Variants in AQP9 observed in about 807,000 individuals in gnomAD.
AQP9 encodes aquaporin 9.
AQP9 carries 19 observed loss-of-function variants against 23.8 expected under a neutral mutation model. The ratio of observed to expected loss-of-function variants is 0.80; its 90% confidence interval spans 0.56 to 1.17. The LOEUF (loss-of-function observed/expected upper bound fraction) is 1.17. Ranked by LOEUF, AQP9 falls within the 50% of genes most tolerant of loss-of-function variation. The probability of loss-of-function intolerance (pLI) is 0.00; values close to 1 mark genes in which losing one functional copy is unlikely to be tolerated. For missense variants in AQP9, 413 were observed against 362.0 expected (o/e 1.14, Z -1.14); for synonymous variants, 153 against 131.5 (o/e 1.16, Z -1.12).
At chr15:58,139,368 A>T (rs913310994) in intron 1 of AQP9, among the ~76,000 whole-genome samples, 1 of 152,136 alleles carries the variant, frequency 6.6e-6, no homozygotes, top group Non-Finnish European at 1.5e-5. Flanking sequence ...TTGCCCAGAG[A>T]TTTACTCAGC....
chr15:58,175,273 T>C (rs1302876266), intron 4 of AQP9, among the ~76,000 whole-genome samples: 2 of 152,190 alleles, frequency 1.3e-5, no homozygotes, highest in Admixed American at 6.5e-5. Flanking sequence ...TTAGTTGAGA[T>C]CCAGAAAAGA....
At chr15:58,155,739 A>AC (rs1387756433) in intron 1 of AQP9, 1 of 151,976 alleles carries the variant, frequency 6.6e-6, no homozygotes, top group Admixed American at 6.6e-5. Context: ...ACTTTAGCCA[A>AC]CCCCCTCAAT....
At chr15:58,157,590 A>T (rs1308589698) in intron 1 of AQP9, among the ~76,000 whole-genome samples, 1 of 152,030 alleles carries the variant, frequency 6.6e-6, no homozygotes, top group Admixed American at 6.6e-5. Context: ...GCCCATACTC[A>T]CTTCCAGTGT....
At chr15:58,147,107 G>A (rs1394827848) in intron 1 of AQP9, among the ~76,000 whole-genome samples, 1 of 152,160 alleles carries the variant, frequency 6.6e-6, no homozygotes, top group Admixed American at 6.5e-5. Flanking sequence ...GCAGACTCCT[G>A]GAGCCAAACT....
Position 58,184,263 on chromosome 15 carries a change from T to C in AQP9, c.*128T>C. 4 of 947,220 alleles carry C rather than the reference T, an allele frequency of 4.2e-6. No individual in the cohort carries two copies. The allele number at this position is 947,220 out of a possible 1,614,324, so 58.7% of individuals were successfully genotyped here. A position where few individuals can be genotyped will look rare whatever the true frequency, so the allele number is the denominator to read the frequency against. ...TTTTGTCTGCTAGCCATATGGGACA[T>C]CTAATTGGAAAAGCATCTGCATAAA... On this transcript the variant is annotated 3_prime_UTR_variant, in exon 6 of 6. Transcript: ENST00000219919.
chr15:58,157,117 TATAA>T (rs1403372457), intron 1 of AQP9, among the ~76,000 whole-genome samples: 1 of 152,236 alleles, frequency 6.6e-6, no homozygotes, highest in Non-Finnish European at 1.5e-5. Context: ...CTTCTGTTTT[TATAA>T]ATATTTGCAT....
intron 3 of AQP9, 48 bp from the exon 4 acceptor site, chr15:58,174,870 C>T: frequency 6.5e-7 from 1 of 1,541,454 alleles, no homozygotes; most frequent in Non-Finnish European, 9.0e-7. Flanking sequence ...AGGCCTCCTT[C>T]AACTCTTCCC....
intron 1 of AQP9, chr15:58,153,554 A>T (rs1898191414): frequency 6.6e-6 from 1 of 152,204 alleles, no homozygotes; most frequent in Non-Finnish European, 1.5e-5. Flanking sequence ...AATTGGTATT[A>T]ATCACACCTA....
intron 5 of AQP9, 58 bp from the exon 6 acceptor site, chr15:58,183,903 A>G: frequency 6.4e-7 from 1 of 1,568,934 alleles, no homozygotes. Flanking sequence ...GAAAAACTAG[A>G]CAGTAATACC....
At chr15:58,181,966 C>A (rs567752411) in intron 5 of AQP9, among the ~76,000 whole-genome samples, 7 of 151,988 alleles carry the variant, frequency 4.6e-5, no homozygotes, top group African/African-American at 1.4e-4. Context: ...CAGTAGATAT[C>A]CTAGCTTGGA....
At position 58,175,153 on chromosome 15, in the gene AQP9, G is replaced by T. The variant is rs182753453; in HGVS notation, c.495+117G>T. On this transcript the variant is annotated intron_variant, in intron 4 of 5. Coordinates refer to ENST00000219919, the MANE Select transcript of AQP9 (RefSeq NM_020980.5). Reference sequence around the variant, plus strand: ...GAGAGATTATATTTCCAAAGGCAGAGGTTGCTGGGCATAACCCAAGCTTTC... The same window carrying T: ...GAGAGATTATATTTCCAAAGGCAGATGTTGCTGGGCATAACCCAAGCTTTC... The T allele has an allele frequency of 4.4e-4, 450 of 1,017,436 alleles. 1 individual carries two copies. The African/African-American group carries it at 5.2e-3, about 12-fold the overall frequency. 63.0% of individuals were successfully genotyped at this position (1,017,436 alleles called of 1,614,324 possible).
chr15:58,148,826 T>C (rs755960181), intron 1 of AQP9, among the ~76,000 whole-genome samples: 23 of 152,144 alleles, frequency 1.5e-4, no homozygotes, highest in Admixed American at 4.6e-4. Context: ...TGGTTCTTGG[T>C]GCTTTTTTCT....
chr15:58,171,798 C>T lies in AQP9; in HGVS notation c.239-1270C>T, dbSNP rs116058036. ...CTTTCTCCACAGGGAGTGGTAGAGG[C>T]TTCTGGAAACAAGTGCACCTATTGG... On this transcript the variant is annotated intron_variant, in intron 2 of 5. Coordinates refer to ENST00000219919, the MANE Select transcript of AQP9 (RefSeq NM_020980.5). Among the ~76,000 whole-genome samples, 190 of 152,172 alleles carry T rather than the reference C, an allele frequency of 1.2e-3. 1 individual carries two copies. Among genetic ancestry groups the T allele is most frequent in the African/African-American group, 4.4e-3 (182 of 41,506 alleles).
intron 1 of AQP9, among the ~76,000 whole-genome samples, chr15:58,154,558 T>C (rs1395919031): frequency 6.7e-6 from 1 of 148,462 alleles, no homozygotes; most frequent in Non-Finnish European, 1.5e-5. Flanking sequence ...CAACTCCATA[T>C]GCTATTAAAA....
chr15:58,154,697 C>T (rs560302076), intron 1 of AQP9, among the ~76,000 whole-genome samples: 3 of 152,004 alleles, frequency 2.0e-5, no homozygotes, highest in Admixed American at 6.6e-5. Context: ...CTCAAACAAC[C>T]ATTATACCAC....
rs1898711273 is a variant in AQP9, at chr15:58,174,995, C to G, written c.454C>G (p.Pro152Ala). 1 of 1,614,046 alleles carries G rather than the reference C, an allele frequency of 6.2e-7. No individual in the cohort carries two copies. The highest frequency in any genetic ancestry group is 1.7e-5 in the Admixed American group (1 of 60,006). Residue 152 changes from proline to alanine, a missense_variant, in exon 4 of 6, where the codon CCA (proline) becomes GCA (alanine). Pro to Ala is a conservative substitution (Grantham distance 27, BLOSUM62 -1). Transcript: ENST00000219919. ...AACAGCACACATTTTTGCAACATAC[C>G]CAGCTCCGTATCTATCTCTGGCGAA... ...NATAHIFATY[P>A]APYLSLANAF...
chr15:58,183,992 G>T lies in AQP9; in HGVS notation c.745G>T (p.Val249Leu). 1.2e-6 allele frequency: 2 copies of T among 1,614,156 alleles called. No individual in the cohort carries two copies. Among genetic ancestry groups the T allele is most frequent in the Non-Finnish European group, 1.7e-6 (2 of 1,180,004 alleles). The stretch of plus-strand genomic sequence containing the variant: ...AAACAACTTCTGGTGGATTCCTGTA[G>T]TGGGCCCTTTGGTTGGTGCTGTCAT... ...AGNNFWWIPV[V>L]GPLVGAVIGG... is the part of the protein sequence containing the mutation. The change falls in exon 6 of 6, where the codon GTG (valine) becomes TTG (leucine). Residue 249 changes from valine to leucine, a missense_variant. Transcript: ENST00000219919.
At chr15:58,145,074 T>G (rs2140585346) in intron 1 of AQP9, among the ~76,000 whole-genome samples, 1 of 151,316 alleles carries the variant, frequency 6.6e-6, no homozygotes, top group African/African-American at 2.4e-5. Context: ...GGTGACATCC[T>G]CTTTTCAATT....
At chr15:58,140,665 T>A (rs1292526385) in intron 1 of AQP9, among the ~76,000 whole-genome samples, 1 of 152,196 alleles carries the variant, frequency 6.6e-6, no homozygotes, top group African/African-American at 2.4e-5. Context: ...TGCCTTGTAT[T>A]TTCTAGTAAA....
Sources: gnomAD v4.1 joint callset for allele counts (sites outside exome capture counted in the v4.1 genomes callset) on GRCh38, gnomAD v4.1.1 for gene constraint, MANE v1.5 for transcripts, NCBI Gene and HGNC (gene_info 2026-07-23, HGNC 2026-07-21) for gene names.